Variants in GRM3 observed in about 807,000 individuals in gnomAD.
The protein encoded by GRM3 is metabotropic glutamate receptor 3.
In GRM3, 26 loss-of-function variants were observed where a neutral mutation model predicts 70.5. That is an observed-to-expected ratio of 0.37 (90% confidence interval 0.27 to 0.51). The LOEUF (loss-of-function observed/expected upper bound fraction) is 0.51. Ranked by LOEUF, GRM3 falls within the 20% of genes least tolerant of loss-of-function variation. The pLI, the probability that GRM3 is intolerant of heterozygous loss-of-function variation, is 0.93. For missense variants in GRM3, 859 were observed against 1,123.8 expected (o/e 0.76, Z 3.37); for synonymous variants, 443 against 434.9 (o/e 1.02, Z -0.23).
intron 2 of GRM3, among the ~76,000 whole-genome samples, chr7:86,770,622 C>T (rs1025177711): frequency 6.6e-6 from 1 of 152,078 alleles, no homozygotes; most frequent in African/African-American, 2.4e-5. Context: ...CTCAAGGGGA[C>T]CACCGCTGGT....
chr7:86,698,580 T>TAC lies in GRM3; in HGVS notation c.-141+53722_-141+53723dup, dbSNP rs568577426. Among the ~76,000 whole-genome samples, 1,312 of 146,240 alleles carry TAC rather than the reference T, an allele frequency of 9.0e-3. 19 individuals carry two copies. The highest frequency in any genetic ancestry group is 0.031 in the African/African-American group (1,222 of 39,272). On this transcript the variant is annotated intron_variant, in intron 1 of 5. Transcript: ENST00000361669. Reference sequence around the variant, plus strand: ...TATATATATAATTATATATATACAATACACACACACACACATATATATAAA... The same window carrying TAC: ...TATATATATAATTATATATATACAATACACACACACACACACATATATATAAA...
chr7:86,765,619 A>T lies in GRM3; in HGVS notation c.468+6A>T, dbSNP rs925745162. The T allele has an allele frequency of 6.2e-7, 1 of 1,608,228 alleles. No individual in the cohort carries two copies. Among genetic ancestry groups the T allele is most frequent in the African/African-American group, 1.3e-5 (1 of 74,874 alleles). ...ATAGCAGTGTTTCCATACAGGTAAGATTGGCTAATGCTATTGCTAAAAGGC... is the reference window on the plus strand; with the variant it reads ...ATAGCAGTGTTTCCATACAGGTAAGTTTGGCTAATGCTATTGCTAAAAGGC... On this transcript the variant is annotated splice_donor_region_variant and intron_variant, in intron 2 of 5. Transcript: ENST00000361669.
intron 1 of GRM3, among the ~76,000 whole-genome samples, chr7:86,708,692 G>A (rs1795114958): frequency 6.6e-6 from 1 of 152,126 alleles, no homozygotes; most frequent in African/African-American, 2.4e-5. Context: ...GAAGAATAGA[G>A]CTAAAGAAAT....
chr7:86,677,108 G>A (rs999206791), intron 1 of GRM3, among the ~76,000 whole-genome samples: 2 of 151,832 alleles, frequency 1.3e-5, no homozygotes, highest in African/African-American at 4.8e-5. Flanking sequence ...GGAGCCCTAG[G>A]CATCTATCTA....
chr7:86,655,853 G>GGTGT (rs1285935005), intron 1 of GRM3, among the ~76,000 whole-genome samples: 1 of 134,658 alleles, frequency 7.4e-6, no homozygotes, highest in Middle Eastern at 3.6e-3. Flanking sequence ...TGTGTGTGTG[G>GGTGT]GTGGGTGGGT....
At chr7:86,685,859 C>T (rs1301385575) in intron 1 of GRM3, among the ~76,000 whole-genome samples, 4 of 148,088 alleles carry the variant, frequency 2.7e-5, no homozygotes, top group African/African-American at 7.5e-5. Context: ...GAGCCGAGAT[C>T]GCACCACTGC....
intron 1 of GRM3, among the ~76,000 whole-genome samples, chr7:86,762,840 A>T (rs1796513542): frequency 6.6e-6 from 1 of 152,120 alleles, no homozygotes; most frequent in African/African-American, 2.4e-5. Flanking sequence ...GGGGTCATCA[A>T]CACCCTAAAC....
intron 1 of GRM3, among the ~76,000 whole-genome samples, chr7:86,744,194 G>A (rs1796051213): frequency 6.6e-6 from 1 of 151,950 alleles, no homozygotes; most frequent in South Asian, 2.1e-4. Flanking sequence ...CCTCTGGGAG[G>A]ATACTTATGA....
At chr7:86,822,403 G>T (rs1798140819) in intron 3 of GRM3, among the ~76,000 whole-genome samples, 1 of 151,632 alleles carries the variant, frequency 6.6e-6, no homozygotes, top group South Asian at 2.1e-4. Context: ...ATCATGGTTA[G>T]CAATTTCAGC....
chr7:86,652,758 G>C (rs1456943097), intron 1 of GRM3, among the ~76,000 whole-genome samples: 1 of 152,114 alleles, frequency 6.6e-6, no homozygotes, highest in Non-Finnish European at 1.5e-5. Flanking sequence ...CCCATGTATT[G>C]AACAACAACA....
At chr7:86,753,663 T>A (rs1796281267) in intron 1 of GRM3, among the ~76,000 whole-genome samples, 1 of 152,128 alleles carries the variant, frequency 6.6e-6, no homozygotes, top group Admixed American at 6.6e-5. Flanking sequence ...TTGAATAGGT[T>A]GTGAAAATTT....
At chr7:86,733,227 T>C (rs1256977630) in intron 1 of GRM3, among the ~76,000 whole-genome samples, 3 of 148,140 alleles carry the variant, frequency 2.0e-5, no homozygotes, top group Admixed American at 6.8e-5. Flanking sequence ...GGTAGGAAAA[T>C]GGCAGGAACC....
intron 1 of GRM3, among the ~76,000 whole-genome samples, chr7:86,732,397 G>A (rs1027445842): frequency 6.7e-6 from 1 of 149,808 alleles, no homozygotes; most frequent in African/African-American, 2.5e-5. Flanking sequence ...ATTAGAGTGG[G>A]GGCTGGAAAA....
chr7:86,857,057 G>A (rs572015454), intron 5 of GRM3, among the ~76,000 whole-genome samples: 5 of 151,684 alleles, frequency 3.3e-5, no homozygotes, highest in Non-Finnish European at 5.9e-5. Context: ...TGAATTTGCC[G>A]CCTCAGCTCA....
chr7:86,729,715 T>C (rs558809843), intron 1 of GRM3, among the ~76,000 whole-genome samples: 2 of 152,166 alleles, frequency 1.3e-5, no homozygotes, highest in Admixed American at 6.6e-5. Context: ...AATTTACAAA[T>C]CACACAGAAA....
At chr7:86,797,001 C>T (rs765866323) in intron 3 of GRM3, among the ~76,000 whole-genome samples, 20 of 152,252 alleles carry the variant, frequency 1.3e-4, no homozygotes, top group Non-Finnish European at 2.6e-4. Context: ...CCTTTGCCTT[C>T]TGCCTTGATT....
chr7:86,831,793 TAAAAAA>T (rs35888996), intron 3 of GRM3, among the ~76,000 whole-genome samples: 7 of 113,970 alleles, frequency 6.1e-5, no homozygotes, highest in South Asian at 7.0e-4. Context: ...ATAGCACCGT[TAAAAAA>T]AAAAAAAAAA....
At chr7:86,857,275 A>G (rs1798869097) in intron 5 of GRM3, among the ~76,000 whole-genome samples, 1 of 152,138 alleles carries the variant, frequency 6.6e-6, no homozygotes, top group Non-Finnish European at 1.5e-5. Context: ...TAGCCTGGCC[A>G]AGCAAGTTAG....
chr7:86,685,487 G>C (rs1414674992), intron 1 of GRM3, among the ~76,000 whole-genome samples: 1 of 152,160 alleles, frequency 6.6e-6, no homozygotes, highest in Non-Finnish European at 1.5e-5. Context: ...TTTCTCTCTT[G>C]CTCAAGATAA....
Sources: gnomAD v4.1 joint callset for allele counts (sites outside exome capture counted in the v4.1 genomes callset) on GRCh38, gnomAD v4.1.1 for gene constraint, MANE v1.5 for transcripts, NCBI Gene and HGNC (gene_info 2026-07-23, HGNC 2026-07-21) for gene names.